The following MCU variants were observed in gnomAD, a reference collection of about 807,000 sequenced individuals.
MCU encodes the protein mitochondrial calcium uniporter, also known as calcium uniporter protein, mitochondrial.
Under a neutral mutation model 45.2 loss-of-function variants are expected in MCU, and 12 were observed. That is an observed-to-expected ratio of 0.27 (90% confidence interval 0.17 to 0.43). The LOEUF (loss-of-function observed/expected upper bound fraction) is 0.43, where lower values mean the gene tolerates loss of function less well. MCU is among the 20% of genes least tolerant of loss of function. The probability of loss-of-function intolerance (pLI) is 1.00; values close to 1 mark genes in which losing one functional copy is unlikely to be tolerated. For synonymous variants in MCU, 160 were observed against 165.1 expected, an observed-to-expected ratio of 0.97 and a Z score of 0.24; for missense variants, 324 against 436.7, an observed-to-expected ratio of 0.74 and a Z score of 2.30.
intron 2 of MCU, among the ~76,000 whole-genome samples, chr10:72,853,045 A>G (rs1845230938): frequency 6.6e-6 from 1 of 152,198 alleles, no homozygotes; most frequent in African/African-American, 2.4e-5. Context: ...GAAAGGGCCA[A>G]ACTAACATGC....
chr10:72,747,176 A>T (rs769552972), intron 1 of MCU, among the ~76,000 whole-genome samples: 2 of 152,156 alleles, frequency 1.3e-5, no homozygotes, highest in Non-Finnish European at 2.9e-5. Flanking sequence ...CTCTGTTGCC[A>T]TGGGTTTCCC....
chr10:72,742,037 AAAAAAAAAC>A (rs1843341571), intron 1 of MCU, among the ~76,000 whole-genome samples: 2 of 151,660 alleles, frequency 1.3e-5, no homozygotes, highest in African/African-American at 4.8e-5. Flanking sequence ...AAAAAAAAAA[AAAAAAAAAC>A]AAAAACGACA....
At chr10:72,715,718 G>A (rs901823024) in intron 1 of MCU, 2 of 184,124 alleles carry the variant, frequency 1.1e-5, no homozygotes, top group African/African-American at 4.8e-5. Context: ...GGGTTTCTAT[G>A]TTTATCATTA....
chr10:72,782,330 G>A lies in MCU; in HGVS notation c.151-52029G>A, dbSNP rs138957974. On this transcript the variant is annotated intron_variant, in intron 1 of 7. Transcript: ENST00000373053. Reference sequence around the variant, plus strand: ...TTCAAATACTCTTTTATTCTTTTCCGTTTTTCTAACTCGTACATAATCCTT... The same window carrying A: ...TTCAAATACTCTTTTATTCTTTTCCATTTTTCTAACTCGTACATAATCCTT... Among the ~76,000 whole-genome samples, 256 of 152,102 alleles carry A rather than the reference G, an allele frequency of 1.7e-3. 2 individuals carry two copies. Among genetic ancestry groups the A allele is most frequent in the African/African-American group, 5.4e-3 (222 of 41,492 alleles).
chr10:72,733,974 G>C lies in MCU; in HGVS notation c.150+41673G>C, dbSNP rs541568065. On this transcript the variant is annotated intron_variant, in intron 1 of 7. Transcript: ENST00000373053. Reference sequence around the variant, plus strand: ...AGTCTGTTAACAGAAGCTTTAAAGGGAATGTGGTCCAAGAAGGAAAGAAAA... The same window carrying C: ...AGTCTGTTAACAGAAGCTTTAAAGGCAATGTGGTCCAAGAAGGAAAGAAAA... 4.3e-4 allele frequency among the ~76,000 whole-genome samples: 65 copies of C among 152,144 alleles called. 1 individual carries two copies.
chr10:72,711,040 A>G (rs1260208093), intron 1 of MCU, among the ~76,000 whole-genome samples: 2 of 151,746 alleles, frequency 1.3e-5, no homozygotes, highest in Admixed American at 6.6e-5. Context: ...TTAGCTGGGC[A>G]TGGTGGTGGG....
At chr10:72,840,666 A>C (rs1011564523) in intron 2 of MCU, among the ~76,000 whole-genome samples, 2 of 152,226 alleles carry the variant, frequency 1.3e-5, no homozygotes, top group African/African-American at 2.4e-5. Flanking sequence ...AATCACCAAA[A>C]ATCCAAAAAT....
At chr10:72,865,934 G>A (rs1363723248) in intron 4 of MCU, among the ~76,000 whole-genome samples, 1 of 151,648 alleles carries the variant, frequency 6.6e-6, no homozygotes, top group Non-Finnish European at 1.5e-5. Flanking sequence ...CTGCCACCAT[G>A]CCTGGCTAAT....
chr10:72,809,661 T>C (rs1477484222), intron 1 of MCU, among the ~76,000 whole-genome samples: 1 of 152,212 alleles, frequency 6.6e-6, no homozygotes, highest in Non-Finnish European at 1.5e-5. Context: ...CAGAAAGGAC[T>C]CAAGACATTA....
chr10:72,749,774 T>C (rs1039800377), intron 1 of MCU, among the ~76,000 whole-genome samples: 1 of 152,056 alleles, frequency 6.6e-6, no homozygotes, highest in African/African-American at 2.4e-5. Flanking sequence ...GCTACCTTCT[T>C]TTTTTTAAAT....
At position 72,834,412 on chromosome 10, in the gene MCU, T is replaced by G; in HGVS notation, c.204T>G (p.Thr68=). 6.2e-7 allele frequency: 1 copy of G among 1,613,762 alleles called. No individual in the cohort carries two copies. Among genetic ancestry groups the G allele is most frequent in the Non-Finnish European group, 8.5e-7 (1 of 1,179,700 alleles). Residue 68 remains threonine, a synonymous_variant, in exon 2 of 8, where the codon ACT becomes ACG. Transcript: ENST00000373053. The part of the protein sequence containing the change: ...WQNLGAVYCS[T]VVPSDDVTVV... ...ATTTGGGAGCTGTTTATTGCAGCACTGTTGTGCCCTCTGATGGTGAGTTTC... is the reference window on the plus strand; with the variant it reads ...ATTTGGGAGCTGTTTATTGCAGCACGGTTGTGCCCTCTGATGGTGAGTTTC...
intron 1 of MCU, among the ~76,000 whole-genome samples, chr10:72,824,015 C>T (rs911895795): frequency 1.2e-4 from 19 of 152,230 alleles, no homozygotes; most frequent in African/African-American, 4.6e-4. Context: ...CATACTGCTG[C>T]ACTCCAGCCT....
At chr10:72,859,050 C>A in intron 2 of MCU, 127 bp from the exon 3 acceptor site, 1 of 934,214 alleles carries the variant, frequency 1.1e-6, no homozygotes, top group Non-Finnish European at 1.6e-6. Context: ...AGGGCATGTT[C>A]TTAAACCTTC....
intron 1 of MCU, among the ~76,000 whole-genome samples, chr10:72,694,967 A>G (rs567482522): frequency 4.6e-5 from 7 of 152,282 alleles, no homozygotes; most frequent in South Asian, 2.1e-4. Flanking sequence ...GGCTTATTCA[A>G]TATTTTTAGC....
At chr10:72,712,582 G>A (rs367888693) in intron 1 of MCU, among the ~76,000 whole-genome samples, 1 of 152,130 alleles carries the variant, frequency 6.6e-6, no homozygotes, top group Non-Finnish European at 1.5e-5. Context: ...AAGGAGATGC[G>A]CCTTTTATGG....
intron 1 of MCU, among the ~76,000 whole-genome samples, chr10:72,705,878 G>A (rs1842813347): frequency 6.6e-6 from 1 of 152,034 alleles, no homozygotes; most frequent in African/African-American, 2.4e-5. Flanking sequence ...CTACTTGGGA[G>A]GCTGAGGCAG....
intron 6 of MCU, among the ~76,000 whole-genome samples, chr10:72,874,039 C>T (rs1334643601): frequency 1.3e-5 from 2 of 152,112 alleles, no homozygotes; most frequent in Non-Finnish European, 2.9e-5. Context: ...AGTATGATGC[C>T]TCTAGCTTTG....
At chr10:72,858,794 G>T (rs1300667181) in intron 2 of MCU, among the ~76,000 whole-genome samples, 9 of 152,140 alleles carry the variant, frequency 5.9e-5, no homozygotes, top group Admixed American at 5.9e-4. Flanking sequence ...GATCCCGAGA[G>T]CCACGTCCTA....
intron 1 of MCU, chr10:72,692,686 T>A (rs755817273): frequency 8.2e-7 from 1 of 1,214,110 alleles, no homozygotes; most frequent in East Asian, 3.9e-5. Context: ...CCCCTTTCCC[T>A]CCTCCTCCGG....
Sources: gnomAD v4.1 joint callset for allele counts (sites outside exome capture counted in the v4.1 genomes callset) on GRCh38, gnomAD v4.1.1 for gene constraint, MANE v1.5 for transcripts, NCBI Gene and HGNC (gene_info 2026-07-23, HGNC 2026-07-21) for gene names.